The following CNNM2 variants were observed in gnomAD, a reference collection of about 807,000 sequenced individuals.
The protein encoded by CNNM2 is cyclin and CBS domain divalent metal cation transport mediator 2.
Under a neutral mutation model 66.9 loss-of-function variants are expected in CNNM2, and 12 were observed. The observed-to-expected ratio is 0.18, with a 90% CI of 0.11 to 0.29. The LOEUF is 0.29. Among genes scored for constraint, CNNM2 ranks in the 10% least tolerant of loss-of-function variants. The pLI is 1.00. For missense variants in CNNM2, 705 were observed against 1,167.7 expected, an observed-to-expected ratio of 0.60 and a Z score of 5.77; for synonymous variants, 557 against 501.8, an observed-to-expected ratio of 1.11 and a Z score of -1.47.
At chr10:102,977,550 G>A (rs1379808935) in intron 1 of CNNM2, among the ~76,000 whole-genome samples, 2 of 152,210 alleles carry the variant, frequency 1.3e-5, no homozygotes, top group African/African-American at 2.4e-5. Flanking sequence ...GCTGGGCGCA[G>A]TGGCTCATGC....
rs752738834 is a variant in CNNM2 at position 103,054,508 on chromosome 10, G to A, written c.1903+42G>A. On this transcript the variant is annotated intron_variant, in intron 3 of 7. Transcript: ENST00000369878. The surrounding 1 kb of genome is among the most constrained non-coding windows in gnomAD (Gnocchi z 5.2). ...ACAGTTTGAGATCTCTACCAACCCT[G>A]AAGCGTGTTTCTCACCCACCACTGA... 21 of 1,594,366 alleles carry A rather than the reference G, an allele frequency of 1.3e-5. No homozygotes were observed. Among genetic ancestry groups the A allele is most frequent in the East Asian group, 4.5e-5 (2 of 44,520 alleles).
intron 1 of CNNM2, among the ~76,000 whole-genome samples, chr10:103,021,524 G>C (rs1298935278): frequency 8.5e-5 from 13 of 152,088 alleles, no homozygotes; most frequent in Admixed American, 7.9e-4. Context: ...TGAGGGGCAG[G>C]GGGAGGAGTG....
At chr10:103,001,172 G>T (rs191971679) in intron 1 of CNNM2, among the ~76,000 whole-genome samples, 1 of 152,290 alleles carries the variant, frequency 6.6e-6, no homozygotes, top group East Asian at 1.9e-4. Flanking sequence ...GTGGTTGTCA[G>T]GGGCTGTGGA....
chr10:103,010,060 A>G (rs1242085667), intron 1 of CNNM2, among the ~76,000 whole-genome samples: 1 of 152,208 alleles, frequency 6.6e-6, no homozygotes, highest in Non-Finnish European at 1.5e-5. Context: ...AGAGATGGAA[A>G]TAATTACAAA....
chr10:103,076,003 GTAT>G, intron 6 of CNNM2, 80 bp from the exon 7 acceptor site: 1 of 1,276,434 alleles, frequency 7.8e-7, no homozygotes, highest in Admixed American at 2.2e-5. Context: ...GTGGCATTTA[GTAT>G]TTTTTATTTT....
rs1270698976 is a variant in CNNM2 at position 103,086,909 on chromosome 10, A to C, written c.*9729A>C. 6.6e-6 allele frequency: 1 copy of C among 152,080 alleles called. No individual in the cohort carries two copies. The highest frequency in any genetic ancestry group is 1.5e-5 in the Non-Finnish European group (1 of 68,020). 9.4% of individuals were successfully genotyped at this position (152,080 alleles called of 1,614,324 possible). ...CAGAGATGAATGAATGTACTGGGCA[A>C]TTCCTCTGCCCAAGGAAACCCAGCA... is the stretch of plus-strand genomic sequence containing the variant. On this transcript the variant is annotated 3_prime_UTR_variant, in exon 8 of 8. Coordinates refer to ENST00000369878, the MANE Select transcript of CNNM2 (RefSeq NM_017649.5).
chr10:103,029,915 G>C (rs540038654), intron 1 of CNNM2, among the ~76,000 whole-genome samples: 1 of 152,110 alleles, frequency 6.6e-6, no homozygotes, highest in South Asian at 2.1e-4. Flanking sequence ...TATTAATACA[G>C]GGTAATAAGT....
Position 103,088,410 on chromosome 10 carries a change from G to A in CNNM2, c.*11230G>A, listed in dbSNP as rs2065960652. On this transcript the variant is annotated 3_prime_UTR_variant, in exon 8 of 8. Coordinates refer to ENST00000369878, the MANE Select transcript of CNNM2 (RefSeq NM_017649.5). Reference sequence around the variant, plus strand: ...TGGGATTTTTATTTTTTGAGATGGAGTTTTGTTCTTGTTGCCCAGGCTGGA... The same window carrying A: ...TGGGATTTTTATTTTTTGAGATGGAATTTTGTTCTTGTTGCCCAGGCTGGA... 1 of 152,176 alleles carries A rather than the reference G, an allele frequency of 6.6e-6. No homozygotes were observed. The highest frequency in any genetic ancestry group is 1.5e-5 in the Non-Finnish European group (1 of 68,044). 9.4% of individuals were successfully genotyped at this position (152,176 alleles called of 1,614,324 possible). A position where few individuals can be genotyped will look rare whatever the true frequency, so the allele number is the denominator to read the frequency against.
chr10:103,068,428 A>G (rs2065517046), intron 4 of CNNM2: 1 of 582,480 alleles, frequency 1.7e-6, no homozygotes, highest in Admixed American at 2.9e-5. Flanking sequence ...TCACCTCTGT[A>G]TAATCAGCCA....
chr10:102,990,188 A>G (rs186036774), intron 1 of CNNM2, among the ~76,000 whole-genome samples: 2 of 151,770 alleles, frequency 1.3e-5, no homozygotes, highest in Admixed American at 1.3e-4. Flanking sequence ...CTGATCTCGA[A>G]CTCCTCACCT....
At chr10:103,008,928 G>A (rs1208509580) in intron 1 of CNNM2, among the ~76,000 whole-genome samples, 1 of 152,036 alleles carries the variant, frequency 6.6e-6, no homozygotes. Flanking sequence ...CTAAATGCCT[G>A]TCAGTTTAGA....
chr10:102,975,468 A>AG (rs1218430040), intron 1 of CNNM2, among the ~76,000 whole-genome samples: 15 of 57,238 alleles, frequency 2.6e-4, no homozygotes, highest in African/African-American at 1.9e-4. Context: ...GGATGGAATT[A>AG]GAAAAAAAAA....
rs1041596167 is a variant in CNNM2, at chr10:103,080,439, C to A, written c.*3259C>A. 6.6e-6 allele frequency: 1 copy of A among 152,212 alleles called. No homozygotes were observed. The allele number at this position is 152,212 out of a possible 1,614,324, so 9.4% of individuals were successfully genotyped here. On this transcript the variant is annotated 3_prime_UTR_variant, in exon 8 of 8. Coordinates refer to ENST00000369878, the MANE Select transcript of CNNM2 (RefSeq NM_017649.5). ...TAGGAAAACAAAATCTTAAGACTTA[C>A]ACAGATATCGGGGTGCTAATCAACT...
intron 1 of CNNM2, among the ~76,000 whole-genome samples, chr10:103,023,305 A>G (rs952034767): frequency 6.6e-6 from 1 of 152,156 alleles, no homozygotes; most frequent in African/African-American, 2.4e-5. Context: ...TAATCCCAAC[A>G]CTTTGGGTGG....
chr10:102,940,620 G>A (rs577932321), intron 1 of CNNM2, among the ~76,000 whole-genome samples: 24 of 151,182 alleles, frequency 1.6e-4, no homozygotes, highest in Admixed American at 1.1e-3. Flanking sequence ...GGGTTTCACC[G>A]TGTTAGCCAG....
intron 1 of CNNM2, among the ~76,000 whole-genome samples, chr10:102,978,720 G>T (rs190126915): frequency 2.6e-5 from 4 of 152,340 alleles, no homozygotes; most frequent in Non-Finnish European, 5.9e-5. Flanking sequence ...ATACCTGTGT[G>T]TGACCAGCGC....
At chr10:103,057,848 G>T (rs1390148992) in intron 4 of CNNM2, among the ~76,000 whole-genome samples, 3 of 152,226 alleles carry the variant, frequency 2.0e-5, no homozygotes, top group Non-Finnish European at 4.4e-5. Flanking sequence ...TAATTCAGTA[G>T]ATGAGGTGAG....
chr10:103,051,379 TG>T (rs2065210225), intron 2 of CNNM2, among the ~76,000 whole-genome samples: 2 of 150,084 alleles, frequency 1.3e-5, no homozygotes, highest in Admixed American at 6.6e-5. Context: ...TGCAGTGAGC[TG>T]AGATTGCGTC....
chr10:103,010,336 C>A (rs1051142304), intron 1 of CNNM2, among the ~76,000 whole-genome samples: 2 of 151,734 alleles, frequency 1.3e-5, no homozygotes, highest in African/African-American at 4.9e-5. Flanking sequence ...CTCCTGGGGT[C>A]AGGTGATCCT....
Sources: gnomAD v4.1 joint callset for allele counts (sites outside exome capture counted in the v4.1 genomes callset) on GRCh38, gnomAD v4.1.1 for gene constraint, Gnocchi (gnomAD v3.1) non-coding constraint, MANE v1.5 for transcripts, NCBI Gene and HGNC (gene_info 2026-07-23, HGNC 2026-07-21) for gene names.